MUC4: variants seen among roughly 807,000 people sequenced by gnomAD.
MUC4 encodes the protein mucin 4, cell surface associated.
A neutral mutation model predicts 257.9 loss-of-function variants in MUC4; 202 were observed. The ratio of observed to expected loss-of-function variants is 0.78; its 90% CI spans 0.70 to 0.88. The LOEUF (loss-of-function observed/expected upper bound fraction) is 0.88, where lower values mean the gene tolerates loss of function less well. Ranked by LOEUF, MUC4 falls within the 40% of genes least tolerant of loss-of-function variation. MUC4 has a pLI of 0.00. For synonymous variants in MUC4, 2,351 were observed against 2,757.1 expected (o/e 0.85, Z 4.62); for missense variants, 5,976 against 6,513.7 (o/e 0.92, Z 2.84).
rs761799711 is a variant in MUC4, at chr3:195,786,359, G to T, written c.5221C>A (p.His1741Asn). 6.6e-7 allele frequency: 1 copy of T among 1,526,130 alleles called. No homozygotes were observed. Among genetic ancestry groups the T allele is most frequent in the Non-Finnish European group, 8.8e-7 (1 of 1,132,438 alleles). 94.5% of individuals were successfully genotyped at this position (1,526,130 alleles called of 1,614,324 possible). Residue 1741 changes from histidine (H) to asparagine (N), a missense_variant, in exon 2 of 25, where the codon CAC becomes AAC. Coordinates refer to ENST00000463781, the MANE Select transcript of MUC4 (RefSeq NM_018406.7). The part of the protein sequence containing the change: ...VTSPSSASTG[H>N]ASPLLVTDAS... ...TCAGTGACAAGAAGAGGGCTGGCGTGACCTGTGGATGCTGAGGAAGGGCTA... is the reference window on the plus strand; with the variant it reads ...TCAGTGACAAGAAGAGGGCTGGCGTTACCTGTGGATGCTGAGGAAGGGCTA...
rs200749420 is a variant in MUC4 at position 195,782,341 on chromosome 3, G to A, written c.9239C>T (p.Ser3080Leu). 0.13 allele frequency: 181,934 copies of A among 1,357,186 alleles called. 11,807 individuals carry two copies. The highest frequency in any genetic ancestry group is 0.15 in the Non-Finnish European group (153,292 of 1,009,114). The allele number at this position is 1,357,186 out of a possible 1,614,324, so 84.1% of individuals were successfully genotyped here. A position where few individuals can be genotyped will look rare whatever the true frequency, so the allele number is the denominator to read the frequency against. ...AGGGGTGGCGTGACCTGTGGATGCTGAGGAAGTGTCGGTGACAGGAAGCGG... is the reference window on the plus strand; with the variant it reads ...AGGGGTGGCGTGACCTGTGGATGCTAAGGAAGTGTCGGTGACAGGAAGCGG... The part of the protein sequence containing the change: ...ATPLPVTDTS[S>L]ASTGHATPLP... Residue 3080 changes from serine (S) to leucine (L), a missense_variant, in exon 2 of 25, where the codon TCA becomes TTA. Physicochemically the swap from Ser to Leu is moderately radical, Grantham distance 145 (BLOSUM62 -2). Transcript: ENST00000463781.
chr3:195,766,848 G>A, intron 7 of MUC4, 97 bp from the exon 8 acceptor site: 2 of 1,113,062 alleles, frequency 1.8e-6, no homozygotes, highest in Non-Finnish European at 2.7e-6. Context: ...GTCAGCAGCT[G>A]GTCAACCAGC....
intron 4 of MUC4, 22 bp downstream of exon 4, chr3:195,774,150 G>T: frequency 6.3e-7 from 1 of 1,587,490 alleles, no homozygotes; most frequent in East Asian, 2.4e-5. Flanking sequence ...TTCAGGCTGC[G>T]CGGGCCGCAG....
chr3:195,767,013 A>G (rs1720655846), intron 7 of MUC4, among the ~76,000 whole-genome samples: 1 of 152,174 alleles, frequency 6.6e-6, no homozygotes, highest in South Asian at 2.1e-4. Context: ...CCGCTTGGTC[A>G]TGAGACAGGG....
chr3:195,793,515 AT>A (rs1734144006), intron 1 of MUC4, among the ~76,000 whole-genome samples: 1 of 152,040 alleles, frequency 6.6e-6, no homozygotes, highest in Non-Finnish European at 1.5e-5. Flanking sequence ...AAAAAAATAA[AT>A]AAATAAAATA....
At chr3:195,778,066 C>T (rs1408498894) in intron 3 of MUC4, among the ~76,000 whole-genome samples, 1 of 152,246 alleles carries the variant, frequency 6.6e-6, no homozygotes, top group African/African-American at 2.4e-5. Context: ...CTAACCGCCG[C>T]TACCGGACCG....
At position 195,779,392 on chromosome 3, in the gene MUC4, G is replaced by T; in HGVS notation, c.12188C>A (p.Thr4063Asn). 3 of 1,234,980 alleles carry T rather than the reference G, an allele frequency of 2.4e-6. 1 individual carries two copies. The South Asian group carries it at 4.1e-5, about 17-fold the overall frequency. 76.5% of individuals were successfully genotyped at this position (1,234,980 alleles called of 1,614,324 possible). ...GGAAGGGCTGGTGACATGAAGAGGGGTGGCGTGACCTGTGGATAATGAGGA... is the reference window on the plus strand; with the variant it reads ...GGAAGGGCTGGTGACATGAAGAGGGTTGGCGTGACCTGTGGATAATGAGGA... ...NASSLSTGHA[T>N]PLHVTSPSSA... Residue 4063 changes from threonine (T) to asparagine (N), a missense_variant, in exon 2 of 25, where the codon ACC becomes AAC. By Grantham distance (65) the Thr-to-Asn change is moderately conservative. This residue lies in a region of MUC4 where 293 missense variants were observed against 294.5 expected (regional missense o/e 1.00). Transcript: ENST00000463781.
At chr3:195,778,222 A>G (rs1395255164) in intron 3 of MUC4, 81 bp downstream of exon 3, 4 of 1,475,336 alleles carry the variant, frequency 2.7e-6, no homozygotes, top group East Asian at 4.8e-5. Context: ...GAGAGAGCGG[A>G]GACTGTGGGA....
In MUC4 at chr3:195,771,926, A is replaced by G. The variant is rs940337679; in HGVS notation, c.13078-110T>C. ...GACCCCCAAGGGTAGAGCTTTAGAG[A>G]TGCTAACAACCCCTGGAAGTCACCT... is the stretch of plus-strand genomic sequence containing the variant. On this transcript the variant is annotated intron_variant, in intron 4 of 24. Transcript: ENST00000463781. 4.1e-6 allele frequency: 5 copies of G among 1,230,056 alleles called. No homozygotes were observed. In the African/African-American group the frequency reaches 6.0e-5, roughly 15 times the overall value. The allele number at this position is 1,230,056 out of a possible 1,614,324, so 76.2% of individuals were successfully genotyped here. A position where few individuals can be genotyped will look rare whatever the true frequency, so the allele number is the denominator to read the frequency against.
chr3:195,764,005 T>A, intron 11 of MUC4, 40 bp downstream of exon 11: 1 of 1,584,494 alleles, frequency 6.3e-7, no homozygotes, highest in East Asian at 2.3e-5. Context: ...AAGCTCCCCC[T>A]CCCCAGAGGC....
rs745965479 is a variant in MUC4 at position 195,782,880 on chromosome 3, G to A, written c.8700C>T (p.Thr2900=). ...STGHATPLPL[T]SLSSVSTGDT... Reference sequence around the variant, plus strand: ...CACCTGTGGATACTGAGGAAAGGCTGGTGAGAGGAAGAGGGGTAGCGTGAC... The same window carrying A: ...CACCTGTGGATACTGAGGAAAGGCTAGTGAGAGGAAGAGGGGTAGCGTGAC... Residue 2900 remains threonine, a synonymous_variant, in exon 2 of 25, where the codon ACC becomes ACT. Coordinates refer to ENST00000463781, the MANE Select transcript of MUC4 (RefSeq NM_018406.7). 4.6e-6 allele frequency: 7 copies of A among 1,521,592 alleles called. No individual in the cohort carries two copies. Among genetic ancestry groups the A allele is most frequent in the East Asian group, 2.5e-5 (1 of 40,396 alleles). 94.3% of individuals were successfully genotyped at this position (1,521,592 alleles called of 1,614,324 possible).
intron 1 of MUC4, among the ~76,000 whole-genome samples, chr3:195,800,666 A>G (rs1735180810): frequency 6.6e-6 from 1 of 152,208 alleles, no homozygotes; most frequent in African/African-American, 2.4e-5. Context: ...ATTTGTAGGT[A>G]AGAAATCCTG....
chr3:195,767,874 C>CCAT (rs1560266064), intron 7 of MUC4, among the ~76,000 whole-genome samples: 1 of 142,034 alleles, frequency 7.0e-6, no homozygotes, highest in African/African-American at 3.0e-5. Flanking sequence ...AACACCACCA[C>CCAT]CATCACCACC....
intron 7 of MUC4, among the ~76,000 whole-genome samples, chr3:195,767,506 A>ATTG (rs1426390474): frequency 2.9e-4 from 41 of 143,530 alleles, no homozygotes; most frequent in Non-Finnish European, 4.7e-4. Flanking sequence ...CATCACCACC[A>ATTG]CCATCACCAT....
Position 195,786,689 on chromosome 3 carries a change from T to C in MUC4, c.4891A>G (p.Thr1631Ala), listed in dbSNP as rs1336728804. 2 of 1,536,446 alleles carry C rather than the reference T, an allele frequency of 1.3e-6. No homozygotes were observed. The highest frequency in any genetic ancestry group is 1.8e-6 in the Non-Finnish European group (2 of 1,138,986). Residue 1631 changes from threonine to alanine, a missense_variant, in exon 2 of 25, where the codon ACC (threonine) becomes GCC (alanine). Around this residue, in one of 44 missense-constraint regions of MUC4, gnomAD observed 61 missense variants for 100.2 expected, o/e 0.61. Coordinates refer to ENST00000463781, the MANE Select transcript of MUC4 (RefSeq NM_018406.7). ...DTSSASTGDT[T>A]PLPVTNASSL... ...GAAGCATTGGTGACAGGAAGAGGGG[T>C]GGTGTCACCTGTGGATGCTGAGGAA...
chr3:195,761,522 C>T lies in MUC4; in HGVS notation c.14576G>A (p.Gly4859Glu). 6.2e-7 allele frequency: 1 copy of T among 1,614,148 alleles called. No homozygotes were observed. The highest frequency in any genetic ancestry group is 8.5e-7 in the Non-Finnish European group (1 of 1,179,996). The change falls in exon 15 of 25, where the codon GGG (glycine) becomes GAG (glutamate). Residue 4859 changes from glycine to glutamate, a missense_variant. Around this residue, in one of 44 missense-constraint regions of MUC4, gnomAD observed 996 missense variants for 1,137.3 expected, o/e 0.88. Transcript: ENST00000463781. ...RMPNGSTIPP[G>E]SPEEMLFHFG... ...GTGGAAAAGCATCTCCTCAGGGCTC[C>T]CTGGGGGAATGGTGGAGCCATTGGG...
At chr3:195,764,895 C>T (rs1720093993) in intron 10 of MUC4, 102 bp downstream of exon 10, 4 of 1,501,806 alleles carry the variant, frequency 2.7e-6, no homozygotes, top group Middle Eastern at 1.8e-4. Flanking sequence ...AGTGGAGGCC[C>T]AGAGAGGGGA....
intron 7 of MUC4, 29 bp from the exon 8 acceptor site, chr3:195,766,780 C>T: frequency 6.3e-7 from 1 of 1,595,408 alleles, no homozygotes; most frequent in Non-Finnish European, 8.6e-7. Flanking sequence ...TCTCAGGCCT[C>T]TGCCGTGCAC....
rs1371625773 is a variant in MUC4 at position 195,770,271 on chromosome 3, G to A, written c.13343C>T (p.Ala4448Val). Residue 4448 changes from alanine (A) to valine (V), a missense_variant, in exon 6 of 25, where the codon GCC (alanine) becomes GTC (valine). Physicochemically the swap from Ala to Val is moderately conservative, Grantham distance 64. Transcript: ENST00000463781. ...TNNGGYKARW[A>V]LKVTWVNAHA... ...GGCATTGACCCACGTGACCTTTAGGGCCCACCTGGCCTTGTAGCCCCCGTT... is the reference window on the plus strand; with the variant it reads ...GGCATTGACCCACGTGACCTTTAGGACCCACCTGGCCTTGTAGCCCCCGTT... 1 of 1,613,926 alleles carries A rather than the reference G, an allele frequency of 6.2e-7. No individual in the cohort carries two copies. The highest frequency in any genetic ancestry group is 8.5e-7 in the Non-Finnish European group (1 of 1,179,930).
Sources: allele counts gnomAD v4.1 joint callset (sites outside exome capture counted in the v4.1 genomes callset), GRCh38; gene constraint gnomAD v4.1.1; regional missense constraint gnomAD v4.1.1; transcripts MANE v1.5; gene names NCBI Gene and HGNC (gene_info 2026-07-23, HGNC 2026-07-21).